Variants in ERCC6L observed in about 807,000 individuals in gnomAD.
ERCC6L encodes DNA excision repair protein ERCC-6-like.
ERCC6L carries 7 observed loss-of-function variants against 20.1 expected under a neutral mutation model. The ratio of observed to expected loss-of-function variants is 0.35; its 90% CI spans 0.20 to 0.65. ERCC6L has a LOEUF of 0.65. ERCC6L is among the 30% of genes least tolerant of loss of function. The pLI is 0.69. For synonymous variants in ERCC6L, 278 were observed against 331.3 expected, an observed-to-expected ratio of 0.84 and a Z score of 1.75; for missense variants, 592 against 892.4, an observed-to-expected ratio of 0.66 and a Z score of 4.29.
At chrX:72,210,065 G>T (rs190410514) in intron 1 of ERCC6L, among the ~76,000 whole-genome samples, 1 of 108,943 alleles carries the variant, frequency 9.2e-6, no homozygotes, top group South Asian at 4.0e-4. Context: ...CAACCAGAGG[G>T]GGGGAAGAGA....
At chrX:72,212,817 C>T (rs969212299) in intron 1 of ERCC6L, among the ~76,000 whole-genome samples, 4 of 111,108 alleles carry the variant, frequency 3.6e-5, no homozygotes, top group East Asian at 2.8e-4. Context: ...TGGTGGCATG[C>T]GCCTAGACCC....
rs753404859 is a variant in ERCC6L, at chrX:72,214,233, A to G, written c.69-5535T>C. 2.0e-3 allele frequency among the ~76,000 whole-genome samples: 224 copies of G among 111,854 alleles called. 3 individuals carry two copies. The highest frequency in any genetic ancestry group is 0.014 in the Middle Eastern group (3 of 217). On this transcript the variant is annotated intron_variant, in intron 1 of 1. Transcript: ENST00000334463. ...TGGGGATCATTTTAAAATCACATAT[A>G]AACACAAACAATATTATTAAATAGT...
intron 1 of ERCC6L, among the ~76,000 whole-genome samples, chrX:72,231,867 G>A (rs1461192348): frequency 9.0e-6 from 1 of 111,597 alleles, no homozygotes; most frequent in Non-Finnish European, 1.9e-5. Flanking sequence ...CAATGTATAC[G>A]TGCATTGAAA....
intron 1 of ERCC6L, among the ~76,000 whole-genome samples, chrX:72,223,764 G>A (rs904682658): frequency 9.0e-6 from 1 of 111,608 alleles, no homozygotes; most frequent in Non-Finnish European, 1.9e-5. Context: ...CCAAAGGTCA[G>A]TTACACAAAA....
At chrX:72,221,739 G>A (rs1360846042) in intron 1 of ERCC6L, among the ~76,000 whole-genome samples, 1 of 110,527 alleles carries the variant, frequency 9.0e-6, no homozygotes, top group African/African-American at 3.3e-5. Context: ...AATGGCAAAT[G>A]GCAAGAGGTT....
chrX:72,205,746 G>A lies in ERCC6L; in HGVS notation c.3021C>T (p.Asp1007=), dbSNP rs771884439. 7 of 1,209,589 alleles carry A rather than the reference G, an allele frequency of 5.8e-6. No individual in the cohort carries two copies. The highest frequency in any genetic ancestry group is 4.6e-4 in the Middle Eastern group (2 of 4,375). The change falls in exon 2 of 2, where the codon GAC becomes GAT. Residue 1007 remains aspartate, a synonymous_variant. Transcript: ENST00000334463. ...TCLSWEFSEK[D]DEPEEVVVKA... Reference sequence around the variant, plus strand: ...TAACTACTACTTCTTCTGGTTCATCGTCTTTCTCAGAAAACTCCCAACTGA... The same window carrying A: ...TAACTACTACTTCTTCTGGTTCATCATCTTTCTCAGAAAACTCCCAACTGA...
At chrX:72,231,343 C>T (rs1040008216) in intron 1 of ERCC6L, among the ~76,000 whole-genome samples, 15 of 111,218 alleles carry the variant, frequency 1.3e-4, no homozygotes, top group African/African-American at 4.2e-4. Context: ...TCCATGATCT[C>T]GCTTATACAT....
rs758133268 is a variant in ERCC6L, at chrX:72,205,166, CAT to C, written c.3599_3600del (p.Tyr1200Ter). The C allele has an allele frequency of 9.8e-5, 118 of 1,210,016 alleles. No homozygotes were observed. The highest frequency in any genetic ancestry group is 1.2e-4 in the Non-Finnish European group (108 of 895,302). On this transcript the variant is annotated frameshift_variant, in exon 2 of 2. Coordinates refer to ENST00000334463, the MANE Select transcript of ERCC6L (RefSeq NM_017669.4). LOFTEE classifies it high-confidence loss of function. The part of the protein sequence containing the change: ...QDKAAEATND[Y>X]ETLVKRGKEL... ...TCTTTTCCACGCTTTACAAGAGTCTCATAGTCATTTGTAGCCTCTGCCGCCTT... is the reference window on the plus strand; with the variant it reads ...TCTTTTCCACGCTTTACAAGAGTCTCAGTCATTTGTAGCCTCTGCCGCCTT...
rs550254283 is a variant in ERCC6L, at chrX:72,212,215, G to A, written c.69-3517C>T. 1.9e-4 allele frequency among the ~76,000 whole-genome samples: 21 copies of A among 110,309 alleles called. 1 individual carries two copies. In the South Asian group the frequency reaches 7.8e-3, roughly 41 times the overall value. ...TCACGTGAAAGGCGGGGGTTGCAGT[G>A]AGCCAAGATCGCACCACTACACTCC... is the stretch of plus-strand genomic sequence containing the variant. On this transcript the variant is annotated intron_variant, in intron 1 of 1. Coordinates refer to ENST00000334463, the MANE Select transcript of ERCC6L (RefSeq NM_017669.4).
intron 1 of ERCC6L, among the ~76,000 whole-genome samples, chrX:72,218,257 G>A (rs1228410500): frequency 4.9e-5 from 5 of 101,139 alleles, no homozygotes; most frequent in Admixed American, 4.3e-4. Context: ...GCGACAGAGC[G>A]AGACTCTGTC....
At position 72,205,697 on chromosome X, in the gene ERCC6L, T is replaced by C. The variant is rs1259477860; in HGVS notation, c.3070A>G (p.Arg1024Gly). 2.5e-6 allele frequency: 3 copies of C among 1,212,041 alleles called. No homozygotes were observed. Among genetic ancestry groups the C allele is most frequent in the East Asian group, 3.0e-5 (1 of 33,856 alleles). The change falls in exon 2 of 2, where the codon AGA (arginine) becomes GGA (glycine). Residue 1024 changes from arginine (R) to glycine (G), a missense_variant. Physicochemically the swap from Arg to Gly is moderately radical, Grantham distance 125. Transcript: ENST00000334463. Reference protein sequence around the residue: ...VVKAKIRSKARRIVSDGEDED... With the variant: ...VVKAKIRSKAGRIVSDGEDED... Reference sequence around the variant, plus strand: ...TCTTCGCCATCTGAAACAATCCTTCTAGCTTTACTTCTGATTTTTGCTTTA... The same window carrying C: ...TCTTCGCCATCTGAAACAATCCTTCCAGCTTTACTTCTGATTTTTGCTTTA...
At chrX:72,211,070 G>C (rs552158363) in intron 1 of ERCC6L, among the ~76,000 whole-genome samples, 2 of 111,602 alleles carry the variant, frequency 1.8e-5, no homozygotes, top group Admixed American at 1.9e-4. Context: ...AATGCAGTTT[G>C]ATTTAGCCAC....
At chrX:72,233,662 C>T (rs1392139750) in intron 1 of ERCC6L, among the ~76,000 whole-genome samples, 1 of 104,154 alleles carries the variant, frequency 9.6e-6, no homozygotes, top group African/African-American at 3.6e-5. Context: ...GCGAAGTTTA[C>T]AGTGAGCCGA....
chrX:72,210,480 G>A (rs975139053), intron 1 of ERCC6L, among the ~76,000 whole-genome samples: 2 of 111,115 alleles, frequency 1.8e-5, no homozygotes, highest in African/African-American at 6.5e-5. Context: ...AGAGCTTGAA[G>A]GAAAAAATAA....
rs760138946 is a variant in ERCC6L, at chrX:72,235,638, C to T, written c.68+3206G>A. On this transcript the variant is annotated intron_variant, in intron 1 of 1. Transcript: ENST00000334463. ...GAACTCCTGACCTCAGGTGATCCAC[C>T]CACCTTGGCCTCCCCAAGTGCTGGG... is the stretch of plus-strand genomic sequence containing the variant. 7.2e-5 allele frequency among the ~76,000 whole-genome samples: 8 copies of T among 111,601 alleles called. No individual in the cohort carries two copies. The East Asian group carries it at 2.2e-3, about 31-fold the overall frequency.
intron 1 of ERCC6L, among the ~76,000 whole-genome samples, chrX:72,234,055 A>G (rs2043002023): frequency 1.8e-5 from 2 of 110,242 alleles, no homozygotes; most frequent in Admixed American, 9.7e-5. Flanking sequence ...GGTTGCAGTG[A>G]GCTGAGATTG....
chrX:72,221,156 T>C (rs2042920742), intron 1 of ERCC6L, among the ~76,000 whole-genome samples: 1 of 111,776 alleles, frequency 8.9e-6, no homozygotes, highest in Non-Finnish European at 1.9e-5. Flanking sequence ...ACAATGGGTA[T>C]TTTGCCCTCT....
At chrX:72,219,710 G>A (rs1293744245) in intron 1 of ERCC6L, among the ~76,000 whole-genome samples, 2 of 109,612 alleles carry the variant, frequency 1.8e-5, no homozygotes, top group African/African-American at 3.3e-5. Context: ...ATTAGCGGGC[G>A]TGGTGGTGCA....
chrX:72,220,812 G>A (rs923449950), intron 1 of ERCC6L, among the ~76,000 whole-genome samples: 2 of 111,860 alleles, frequency 1.8e-5, no homozygotes, highest in Non-Finnish European at 3.8e-5. Flanking sequence ...CCCCTCTCAG[G>A]TTTTATCTAA....
Sources: allele counts gnomAD v4.1 joint callset (sites outside exome capture counted in the v4.1 genomes callset), GRCh38; gene constraint gnomAD v4.1.1; transcripts MANE v1.5; gene names NCBI Gene and HGNC (gene_info 2026-07-23, HGNC 2026-07-21).